GDF1: variants seen among roughly 807,000 people sequenced by gnomAD.
GDF1 encodes the protein embryonic growth/differentiation factor 1.
Under a neutral mutation model 7.4 loss-of-function variants are expected in GDF1, and 8 were observed. That is an observed-to-expected ratio of 1.09 (90% CI 0.64 to 1.96). GDF1 has a LOEUF of 1.96. Among genes scored for constraint, GDF1 ranks in the 30% most tolerant of loss-of-function variants. The probability of loss-of-function intolerance (pLI) is 0.00; values close to 1 mark genes in which losing one functional copy is unlikely to be tolerated. For synonymous variants in GDF1, 311 were observed against 276.7 expected (o/e 1.12, Z -1.23); for missense variants, 574 against 551.5 (o/e 1.04, Z -0.41).
intron 2 of GDF1, among the ~76,000 whole-genome samples, chr19:18,885,233 T>C (rs10401653): frequency 0.82 from 125,394 of 152,046 alleles, 51,837 homozygotes; most frequent in Admixed American, 0.87. Context: ...AGTTGGCTTG[T>C]TCTGTGGCCC....
chr19:18,878,838 C>T lies in GDF1; in HGVS notation c.-313+92G>A, dbSNP rs554320654. 7.9e-5 allele frequency: 121 copies of T among 1,541,348 alleles called. 3 individuals are homozygous for T. The East Asian group carries it at 2.2e-3, about 29-fold the overall frequency. ...GGGGCAGCATCCGCGTCGGCCTCAT[C>T]TGCTGCTGGGTCTTGGGGGCCTGCC... On this transcript the variant is annotated intron_variant, in intron 6 of 7. Coordinates refer to ENST00000247005, the MANE Select transcript of GDF1 (RefSeq NM_001492.6). The surrounding 1 kb of genome is among the most constrained non-coding windows in gnomAD (Gnocchi z 4.6).
intron 6 of GDF1, among the ~76,000 whole-genome samples, chr19:18,871,177 C>T (rs2055963207): frequency 6.6e-6 from 1 of 151,746 alleles, no homozygotes; most frequent in African/African-American, 2.4e-5. Context: ...CCCACCTCAG[C>T]CTCCAGAGTA....
chr19:18,890,115 G>A (rs1012375452), intron 2 of GDF1, among the ~76,000 whole-genome samples: 12 of 152,138 alleles, frequency 7.9e-5, no homozygotes, highest in African/African-American at 2.9e-4. Context: ...CGTGGCCTCC[G>A]AGGCCTGGAT....
intron 6 of GDF1, among the ~76,000 whole-genome samples, chr19:18,876,770 C>T (rs1380364954): frequency 6.6e-6 from 1 of 152,144 alleles, no homozygotes; most frequent in East Asian, 1.9e-4. Flanking sequence ...CATCCAGCTC[C>T]CCTGACATTA....
chr19:18,868,627 GTCC>G lies in GDF1; in HGVS notation c.1086_1088del (p.Glu362del). On this transcript the variant is annotated inframe_deletion, in exon 8 of 8. Transcript: ENST00000247005. ...GGCAGCCGCACTCGTCCACCACCATGTCCTCATACTGCCGCAGCACCACGTTGT... is the reference window on the plus strand; with the variant it reads ...GGCAGCCGCACTCGTCCACCACCATGTCATACTGCCGCAGCACCACGTTGT... 1 of 1,572,798 alleles carries G rather than the reference GTCC, an allele frequency of 6.4e-7. No individual in the cohort carries two copies. The highest frequency in any genetic ancestry group is 8.6e-7 in the Non-Finnish European group (1 of 1,159,330).
Position 18,884,241 on chromosome 19 carries a change from G to A in GDF1, c.-887C>T, listed in dbSNP as rs913223329. On this transcript the variant is annotated 5_prime_UTR_variant, in exon 3 of 8. The change creates a new upstream start codon in the 5' untranslated region. Coordinates refer to ENST00000247005, the MANE Select transcript of GDF1 (RefSeq NM_001492.6). ...AGCAGGTAGGCGGCTGCAATGTCCC[G>A]TGGCACTGCCATGCCCGGCGTCCAG... 10 of 1,613,076 alleles carry A rather than the reference G, an allele frequency of 6.2e-6. No homozygotes were observed. Among genetic ancestry groups the A allele is most frequent in the Admixed American group, 3.3e-5 (2 of 59,930 alleles).
chr19:18,886,315 C>T (rs1474512929), intron 2 of GDF1, among the ~76,000 whole-genome samples: 9 of 152,046 alleles, frequency 5.9e-5, no homozygotes, highest in Non-Finnish European at 7.4e-5. Context: ...TTTGGGAGGC[C>T]GAGGCGGGCG....
At chr19:18,888,176 ATGG>A (rs1021034485) in intron 2 of GDF1, among the ~76,000 whole-genome samples, 3 of 152,144 alleles carry the variant, frequency 2.0e-5, no homozygotes, top group African/African-American at 7.2e-5. Context: ...CCTGGCCAAC[ATGG>A]TGAAACCCCA....
chr19:18,869,482 G>A, intron 7 of GDF1, 92 bp from the exon 8 acceptor site: 1 of 1,458,834 alleles, frequency 6.9e-7, no homozygotes. Flanking sequence ...GTGAACGCTG[G>A]GGCTCGGGGC....
intron 7 of GDF1, among the ~76,000 whole-genome samples, chr19:18,869,768 G>A (rs570963998): frequency 6.6e-6 from 1 of 152,260 alleles, no homozygotes; most frequent in African/African-American, 2.4e-5. Flanking sequence ...TCAGCATCAA[G>A]CAGAAGGACT....
intron 2 of GDF1, among the ~76,000 whole-genome samples, chr19:18,887,941 C>T (rs1024543869): frequency 2.6e-5 from 4 of 152,312 alleles, no homozygotes; most frequent in Non-Finnish European, 1.5e-5. Flanking sequence ...TGGCACCCCC[C>T]ATCCCACTTT....
In GDF1 at chr19:18,879,007, T is replaced by C. The variant is rs758985330; in HGVS notation, c.-390A>G. The C allele has an allele frequency of 1.2e-6, 2 of 1,613,748 alleles. No individual in the cohort carries two copies. The highest frequency in any genetic ancestry group is 1.7e-6 in the Non-Finnish European group (2 of 1,179,848). ...GGTCCTTCAGCTCGTGCACCTGGCC[T>C]GTCAACACCTTGGCTGCAAACGCCA... On this transcript the variant is annotated 5_prime_UTR_variant, in exon 6 of 8. Transcript: ENST00000247005.
intron 2 of GDF1, among the ~76,000 whole-genome samples, chr19:18,891,800 T>C (rs1044239111): frequency 6.6e-6 from 1 of 151,862 alleles, no homozygotes; most frequent in Non-Finnish European, 1.5e-5. Context: ...TGAACTCCTG[T>C]GCTCAAGTAA....
In GDF1 at chr19:18,869,304, G is replaced by T. The variant is rs765449212; in HGVS notation, c.412C>A (p.Pro138Thr). Residue 138 changes from proline to threonine, a missense_variant, in exon 8 of 8, where the codon CCC becomes ACC. By Grantham distance (38) the Pro-to-Thr change is conservative. Coordinates refer to ENST00000247005, the MANE Select transcript of GDF1 (RefSeq NM_001492.6). ...TVVFDLSAVE[P>T]AERPSRARLE... ...CGGGCCCGGCTCGGGCGCTCAGCGG[G>T]TTCCACAGCCGACAGGTCGAAGACG... is the stretch of plus-strand genomic sequence containing the variant. The T allele has an allele frequency of 4.3e-5, 65 of 1,518,516 alleles. No individual in the cohort carries two copies. The Admixed American group carries it at 1.3e-3, about 30-fold the overall frequency. The allele number at this position is 1,518,516 out of a possible 1,614,324, so 94.1% of individuals were successfully genotyped here.
Position 18,873,854 on chromosome 19 carries a change from A to G in GDF1, c.-312-3235T>C, listed in dbSNP as rs1376789775. On this transcript the variant is annotated intron_variant, in intron 6 of 7. Transcript: ENST00000247005. ...AGACTCTGTCTCGAAAAAAAAAAAAAAAGAAGAAGAAGGGGAGGGGACTCT... is the reference window on the plus strand; with the variant it reads ...AGACTCTGTCTCGAAAAAAAAAAAAGAAGAAGAAGAAGGGGAGGGGACTCT... Among the ~76,000 whole-genome samples the G allele has an allele frequency of 3.3e-5, 5 of 151,318 alleles. No individual in the cohort carries two copies. In the East Asian group the frequency reaches 5.8e-4, roughly 18 times the overall value.
intron 7 of GDF1, among the ~76,000 whole-genome samples, chr19:18,869,762 C>T (rs941894619): frequency 6.6e-6 from 1 of 152,092 alleles, no homozygotes. Flanking sequence ...AGGGCTTCAG[C>T]ATCAAGCAGA....
At chr19:18,869,589 G>T (rs921943644) in intron 7 of GDF1, among the ~76,000 whole-genome samples, 199 bp from the exon 8 acceptor site, 4 of 151,048 alleles carry the variant, frequency 2.6e-5, no homozygotes, top group Admixed American at 6.6e-5. Flanking sequence ...GGTGCGGCGG[G>T]GGGGGTGGGC....
rs781426705 is a variant in GDF1, at chr19:18,888,519, TAAAAAAAAAAAA to T, written c.-913-4264_-913-4253del. Among the ~76,000 whole-genome samples, 7 of 59,050 alleles carry T rather than the reference TAAAAAAAAAAAA, an allele frequency of 1.2e-4. No homozygotes were observed. The Admixed American group carries it at 1.5e-3, about 13-fold the overall frequency. The allele number at this position is 59,050 out of a possible 152,430, so 38.7% of individuals were successfully genotyped here. On this transcript the variant is annotated intron_variant, in intron 2 of 7. Transcript: ENST00000247005. ...GGCGACAGAGTGAGACCCTGTCTCT[TAAAAAAAAAAAA>T]AAAAAAAAAAAAAAACAGGCTAGGT...
intron 2 of GDF1, 100 bp from the exon 3 acceptor site, chr19:18,884,367 TA>T: frequency 9.0e-7 from 1 of 1,111,430 alleles, no homozygotes. Context: ...GTCCTCCCAG[TA>T]CCCAGGTAAC....
Sources: allele counts gnomAD v4.1 joint callset (sites outside exome capture counted in the v4.1 genomes callset), GRCh38; gene constraint gnomAD v4.1.1; non-coding constraint Gnocchi (gnomAD v3.1); transcripts MANE v1.5; gene names NCBI Gene and HGNC (gene_info 2026-07-23, HGNC 2026-07-21).